DCC: variants seen among roughly 807,000 people sequenced by gnomAD.
DCC encodes DCC netrin 1 receptor.
In DCC, 58 loss-of-function variants were observed where a neutral mutation model predicts 172.5. The ratio of observed to expected loss-of-function variants is 0.34; its 90% CI spans 0.27 to 0.42. DCC has a LOEUF of 0.42. Ranked by LOEUF, DCC falls within the 10% of genes least tolerant of loss-of-function variation. The pLI is 1.00. For synonymous variants in DCC, 709 were observed against 644.5 expected (o/e 1.10, Z -1.52); for missense variants, 1,740 against 1,791.0 (o/e 0.97, Z 0.51).
chr18:53,319,856 T>C (rs908759291), intron 13 of DCC, among the ~76,000 whole-genome samples: 1 of 101,532 alleles, frequency 9.8e-6, no homozygotes, highest in African/African-American at 4.0e-5. Flanking sequence ...TAAAGTCAAC[T>C]ACATATGGAC....
intron 13 of DCC, 48 bp from the exon 14 acceptor site, chr18:53,321,999 C>A: frequency 1.0e-6 from 1 of 1,001,912 alleles, no homozygotes; most frequent in Non-Finnish European, 1.6e-6. Flanking sequence ...GGTAGGAATA[C>A]TTGGTGCATA....
intron 1 of DCC, among the ~76,000 whole-genome samples, chr18:52,383,656 G>A (rs991983042): frequency 1.8e-4 from 28 of 151,600 alleles, no homozygotes; most frequent in African/African-American, 6.8e-4. Flanking sequence ...TTTCATTCAT[G>A]AATTATTCAG....
At chr18:53,159,076 G>C (rs150756954) in intron 8 of DCC, among the ~76,000 whole-genome samples, 1 of 151,198 alleles carries the variant, frequency 6.6e-6, no homozygotes, top group Non-Finnish European at 1.5e-5. Flanking sequence ...AGAAACAGGC[G>C]TTCGTTTTAG....
chr18:52,493,912 A>G (rs1011016399), intron 1 of DCC, among the ~76,000 whole-genome samples: 18 of 152,062 alleles, frequency 1.2e-4, no homozygotes, highest in Non-Finnish European at 1.9e-4. Flanking sequence ...TTTCCCTTGA[A>G]ATATAATCAC....
intron 5 of DCC, among the ~76,000 whole-genome samples, chr18:53,057,115 C>T (rs1157267614): frequency 2.1e-5 from 3 of 145,980 alleles, no homozygotes; most frequent in African/African-American, 7.5e-5. Context: ...CAAGTCTTCA[C>T]CTATATGGGG....
intron 2 of DCC, among the ~76,000 whole-genome samples, chr18:52,905,826 A>G (rs2039874290): frequency 6.6e-6 from 1 of 152,208 alleles, no homozygotes; most frequent in African/African-American, 2.4e-5. Context: ...ATAAGCTTCT[A>G]GAGATGAATG....
At chr18:53,387,904 G>A (rs3794921) in intron 16 of DCC, among the ~76,000 whole-genome samples, 64,563 of 151,966 alleles carry the variant, frequency 0.42, 15,462 homozygotes, top group Non-Finnish European at 0.55. Flanking sequence ...AATAAAAATC[G>A]CTTTTCAATC....
intron 15 of DCC, among the ~76,000 whole-genome samples, chr18:53,349,700 G>A (rs955916330): frequency 1.3e-5 from 2 of 152,218 alleles, no homozygotes; most frequent in East Asian, 1.9e-4. Flanking sequence ...CCAAAAGAGA[G>A]CTTGTGCATA....
At chr18:53,052,340 T>C (rs1202760754) in intron 5 of DCC, among the ~76,000 whole-genome samples, 1 of 152,154 alleles carries the variant, frequency 6.6e-6, no homozygotes, top group Non-Finnish European at 1.5e-5. Flanking sequence ...TATTTTCTTC[T>C]GGATTAAGTT....
At chr18:52,597,290 C>G (rs1028138868) in intron 1 of DCC, among the ~76,000 whole-genome samples, 4 of 152,186 alleles carry the variant, frequency 2.6e-5, no homozygotes, top group Non-Finnish European at 4.4e-5. Context: ...TCTGCTCCAG[C>G]TGGGGCTATT....
At chr18:52,830,069 G>A (rs73956010) in intron 2 of DCC, among the ~76,000 whole-genome samples, 8,879 of 152,154 alleles carry the variant, frequency 0.058, 892 homozygotes, top group African/African-American at 0.2. Context: ...GTGGGAGCCT[G>A]CCAGCTGTGT....
intron 2 of DCC, among the ~76,000 whole-genome samples, chr18:52,891,940 A>G (rs1034841319): frequency 6.6e-6 from 1 of 152,148 alleles, no homozygotes; most frequent in African/African-American, 2.4e-5. Context: ...TCTTCCAGAT[A>G]TGTAAATCTG....
intron 5 of DCC, among the ~76,000 whole-genome samples, chr18:53,049,328 T>A (rs1389218815): frequency 2.0e-5 from 3 of 152,154 alleles, no homozygotes; most frequent in Non-Finnish European, 4.4e-5. Context: ...GTTTAATATT[T>A]AAGTCTTTAA....
rs151131015 is a variant in DCC at position 53,340,047 on chromosome 18, TACACAC to T, written c.2359+164_2359+169del. On this transcript the variant is annotated intron_variant, in intron 15 of 28. Coordinates refer to ENST00000442544, the MANE Select transcript of DCC (RefSeq NM_005215.4). Reference sequence around the variant, plus strand: ...TTAGCTCTGAAAGCAACTGTCTATCTACACACACACACACACACACACACACACATA... The same window carrying T: ...TTAGCTCTGAAAGCAACTGTCTATCTACACACACACACACACACACACATA... The T allele has an allele frequency of 3.2e-3, 1,874 of 592,112 alleles. 33 individuals carry two copies. In the African/African-American group the frequency reaches 0.032, roughly 10 times the overall value. 36.7% of individuals were successfully genotyped at this position (592,112 alleles called of 1,614,324 possible).
At chr18:53,087,051 G>T (rs111307908) in intron 7 of DCC, among the ~76,000 whole-genome samples, 23,780 of 151,510 alleles carry the variant, frequency 0.16, 2,352 homozygotes, top group African/African-American at 0.28. Flanking sequence ...GAATAGTGCC[G>T]CAATAAACAT....
chr18:52,589,724 C>T (rs894052512), intron 1 of DCC, among the ~76,000 whole-genome samples: 4 of 152,208 alleles, frequency 2.6e-5, no homozygotes, highest in African/African-American at 7.2e-5. Flanking sequence ...TCAATTAGAG[C>T]CTTCAAGCAA....
At chr18:52,824,036 A>G (rs889457923) in intron 2 of DCC, among the ~76,000 whole-genome samples, 9 of 152,166 alleles carry the variant, frequency 5.9e-5, no homozygotes, top group Admixed American at 6.5e-5. Context: ...GAAAAAATAG[A>G]TTATTTTCTC....
chr18:52,752,505 T>A, intron 2 of DCC, 131 bp downstream of exon 2: 1 of 740,238 alleles, frequency 1.4e-6, no homozygotes, highest in Non-Finnish European at 2.3e-6. Context: ...AGTTGACAAG[T>A]AATTATATAT....
chr18:53,187,921 T>C (rs919139698), intron 9 of DCC, among the ~76,000 whole-genome samples: 1 of 152,154 alleles, frequency 6.6e-6, no homozygotes, highest in East Asian at 1.9e-4. Flanking sequence ...TAATTGTAGC[T>C]GTTAAAGTCA....
Sources: allele counts gnomAD v4.1 joint callset (sites outside exome capture counted in the v4.1 genomes callset), GRCh38; gene constraint gnomAD v4.1.1; transcripts MANE v1.5; gene names NCBI Gene and HGNC (gene_info 2026-07-23, HGNC 2026-07-21).